The following INTS8 variants were observed in gnomAD, a reference collection of about 807,000 sequenced individuals.
The protein encoded by INTS8 is integrator complex subunit 8.
Under a neutral mutation model 138.9 loss-of-function variants are expected in INTS8, and 47 were observed. The ratio of observed to expected loss-of-function variants is 0.34; its 90% confidence interval spans 0.27 to 0.43. The LOEUF (loss-of-function observed/expected upper bound fraction) is 0.43, where lower values mean the gene tolerates loss of function less well. Among genes scored for constraint, INTS8 ranks in the 20% least tolerant of loss-of-function variants. The pLI, the probability that INTS8 is intolerant of heterozygous loss-of-function variation, is 1.00. For synonymous variants in INTS8, 392 were observed against 400.9 expected (o/e 0.98, Z 0.27); for missense variants, 996 against 1,173.0 (o/e 0.85, Z 2.20).
At chr8:94,834,004 TC>T (rs1326802045) in intron 6 of INTS8, among the ~76,000 whole-genome samples, 1 of 152,108 alleles carries the variant, frequency 6.6e-6, no homozygotes, top group Non-Finnish European at 1.5e-5. Context: ...ACTCCCGACT[TC>T]CAGTGATCTG....
chr8:94,878,132 C>T (rs559955625), intron 26 of INTS8, among the ~76,000 whole-genome samples: 11 of 152,232 alleles, frequency 7.2e-5, no homozygotes, highest in Middle Eastern at 3.4e-3. Flanking sequence ...CAGAAACTTA[C>T]GTGTTTTATT....
Position 94,867,354 on chromosome 8 carries a change from CTTTTA to C in INTS8, c.2414+25_2414+29del. On this transcript the variant is annotated intron_variant, in intron 20 of 26. Coordinates refer to ENST00000523731, the MANE Select transcript of INTS8 (RefSeq NM_017864.4). ...CATTCCCAAGTAAGTAGTGGTATAGCTTTTATTTTATTAATTGAGTTATGTATTTG... is the reference window on the plus strand; with the variant it reads ...CATTCCCAAGTAAGTAGTGGTATAGCTTTTATTAATTGAGTTATGTATTTG... 1 of 1,580,516 alleles carries C rather than the reference CTTTTA, an allele frequency of 6.3e-7. No homozygotes were observed. Among genetic ancestry groups the C allele is most frequent in the Non-Finnish European group, 8.7e-7 (1 of 1,152,966 alleles).
At chr8:94,828,927 CTT>C (rs1814610304) in intron 4 of INTS8, 46 bp from the exon 5 acceptor site, 1 of 1,269,780 alleles carries the variant, frequency 7.9e-7, no homozygotes, top group African/African-American at 1.5e-5. Context: ...ATTTTTTAGT[CTT>C]GAGAGTAACT....
chr8:94,848,055 C>G (rs1815396908), intron 10 of INTS8, among the ~76,000 whole-genome samples: 1 of 142,214 alleles, frequency 7.0e-6, no homozygotes, highest in South Asian at 2.2e-4. Flanking sequence ...GTTTCCCAGG[C>G]TAGAGTGCAG....
chr8:94,833,362 C>T (rs1341539719), intron 6 of INTS8, among the ~76,000 whole-genome samples: 2 of 151,554 alleles, frequency 1.3e-5, no homozygotes, highest in Non-Finnish European at 2.9e-5. Flanking sequence ...ACTTGGTAAC[C>T]CTTTTTGTAA....
At chr8:94,849,180 C>G (rs573083078) in intron 10 of INTS8, among the ~76,000 whole-genome samples, 1 of 152,150 alleles carries the variant, frequency 6.6e-6, no homozygotes, top group Admixed American at 6.5e-5. Context: ...AATTTGGCAA[C>G]ATAGTTGATA....
chr8:94,870,431 A>C (rs1302750657), intron 20 of INTS8, among the ~76,000 whole-genome samples: 4 of 152,234 alleles, frequency 2.6e-5, no homozygotes, highest in Non-Finnish European at 5.9e-5. Context: ...TCATGATGAA[A>C]GTACTTTAAA....
intron 26 of INTS8, among the ~76,000 whole-genome samples, chr8:94,878,329 TA>T (rs1464374400): frequency 1.3e-5 from 2 of 152,186 alleles, no homozygotes; most frequent in Non-Finnish European, 2.9e-5. Flanking sequence ...CCATACTCAG[TA>T]ACTTCTTTAC....
At chr8:94,838,329 C>A in intron 7 of INTS8, 134 bp from the exon 8 acceptor site, 1 of 632,832 alleles carries the variant, frequency 1.6e-6, no homozygotes, top group Admixed American at 2.9e-5. Context: ...GGATTACAGG[C>A]GTGAACCGCT....
chr8:94,869,770 C>A (rs2131068072), intron 20 of INTS8, among the ~76,000 whole-genome samples: 1 of 152,324 alleles, frequency 6.6e-6, no homozygotes, highest in Middle Eastern at 3.4e-3. Context: ...GGATTACAGG[C>A]ATGAGCCACT....
At chr8:94,870,218 A>AT (rs1816348129) in intron 20 of INTS8, among the ~76,000 whole-genome samples, 1 of 151,712 alleles carries the variant, frequency 6.6e-6, no homozygotes, top group African/African-American at 2.4e-5. Context: ...TGCCTGGCTA[A>AT]TTTTTTGTAT....
chr8:94,832,340 AAAAG>A (rs1463334308), intron 6 of INTS8, among the ~76,000 whole-genome samples, 166 bp downstream of exon 6: 1 of 152,222 alleles, frequency 6.6e-6, no homozygotes, highest in African/African-American at 2.4e-5. Context: ...ACATTTTTCT[AAAAG>A]AAATGGAAGA....
rs756805905 is a variant in INTS8 at position 94,831,995 on chromosome 8, A to C, written c.574A>C (p.Lys192Gln). 1.3e-6 allele frequency: 2 copies of C among 1,587,574 alleles called. No individual in the cohort carries two copies. Among genetic ancestry groups the C allele is most frequent in the South Asian group, 2.3e-5 (2 of 85,988 alleles). Residue 192 changes from lysine (K) to glutamine (Q), a missense_variant, in exon 6 of 27, where the codon AAA becomes CAA. Physicochemically the swap from Lys to Gln is moderately conservative, Grantham distance 53. Coordinates refer to ENST00000523731, the MANE Select transcript of INTS8 (RefSeq NM_017864.4). ...ELTENILKVL[K>Q]EQAADSILVL... ...ATTTGTTTATTGATTTCTGTAGCTC[A>C]AAGAACAAGCTGCTGATTCTATTTT... is the stretch of plus-strand genomic sequence containing the variant.
chr8:94,877,947 G>A (rs369783339), intron 26 of INTS8, among the ~76,000 whole-genome samples: 56 of 152,112 alleles, frequency 3.7e-4, no homozygotes, highest in African/African-American at 1.2e-3. Context: ...GAGAGGTACC[G>A]ATTCAGTTGG....
At chr8:94,846,506 T>C (rs6998921) in intron 10 of INTS8, among the ~76,000 whole-genome samples, 113,162 of 152,058 alleles carry the variant, frequency 0.74, 42,191 homozygotes, top group Middle Eastern at 0.79. Flanking sequence ...ACTCCTGACC[T>C]CAGGCGATCC....
Position 94,844,912 on chromosome 8 carries a change from C to T in INTS8, c.1260+2424C>T, listed in dbSNP as rs149874857. Among the ~76,000 whole-genome samples, 274 of 152,138 alleles carry T rather than the reference C, an allele frequency of 1.8e-3. 1 individual carries two copies. The highest frequency in any genetic ancestry group is 6.5e-3 in the African/African-American group (269 of 41,510). On this transcript the variant is annotated intron_variant, in intron 10 of 26. Coordinates refer to ENST00000523731, the MANE Select transcript of INTS8 (RefSeq NM_017864.4). ...GGACTACAGGCATGTGCCACCACGC[C>T]TGGCTAATTTTTTTTATTTTTGGTA... is the stretch of plus-strand genomic sequence containing the variant.
intron 10 of INTS8, among the ~76,000 whole-genome samples, chr8:94,843,217 GATTT>G (rs367604942): frequency 6.6e-5 from 10 of 152,136 alleles, no homozygotes; most frequent in Non-Finnish European, 1.5e-4. Context: ...TCACTAAAGA[GATTT>G]ATTTGTGAGA....
intron 14 of INTS8, among the ~76,000 whole-genome samples, chr8:94,854,898 A>C (rs1237953487): frequency 7.1e-6 from 1 of 140,958 alleles, no homozygotes; most frequent in East Asian, 2.2e-4. Flanking sequence ...TGCCCAGCTT[A>C]TTTGAAAGAA....
chr8:94,834,150 C>T (rs1265249409), intron 6 of INTS8, among the ~76,000 whole-genome samples: 1 of 152,026 alleles, frequency 6.6e-6, no homozygotes, highest in Non-Finnish European at 1.5e-5. Flanking sequence ...CCAATAAAAC[C>T]AGGCCTTAAT....
Sources: allele counts gnomAD v4.1 joint callset (sites outside exome capture counted in the v4.1 genomes callset), GRCh38; gene constraint gnomAD v4.1.1; transcripts MANE v1.5; gene names NCBI Gene and HGNC (gene_info 2026-07-23, HGNC 2026-07-21).